TMEM255B: variants seen among roughly 807,000 people sequenced by gnomAD.
TMEM255B encodes family with sequence similarity 70, member B.
In TMEM255B, 35 loss-of-function variants were observed where a neutral mutation model predicts 34.5. The ratio of observed to expected loss-of-function variants is 1.01; its 90% CI spans 0.77 to 1.34. The LOEUF (loss-of-function observed/expected upper bound fraction) is 1.34, where lower values mean the gene tolerates loss of function less well. TMEM255B is among the 40% of genes most tolerant of loss of function. TMEM255B has a pLI of 0.00. For missense variants in TMEM255B, 432 were observed against 433.2 expected (o/e 1.00, Z 0.02); for synonymous variants, 206 against 201.2 (o/e 1.02, Z -0.20).
chr13:113,782,853 G>A (rs2050686802), intron 3 of TMEM255B, among the ~76,000 whole-genome samples: 1 of 152,172 alleles, frequency 6.6e-6, no homozygotes, highest in Admixed American at 6.5e-5. Flanking sequence ...TCCCAGAGGT[G>A]GGGGACTTTT....
chr13:113,768,978 G>A lies in TMEM255B; in HGVS notation c.190-120G>A, dbSNP rs1268602921. ...TGGTTGAGGTTCTTGAGGTAGGGAT[G>A]TCTGGCCTTCGTCCCTGGATAAAAT... On this transcript the variant is annotated intron_variant, in intron 2 of 8. Transcript: ENST00000375353. 13 of 1,094,476 alleles carry A rather than the reference G, an allele frequency of 1.2e-5. No homozygotes were observed. In the East Asian group the frequency reaches 2.7e-4, roughly 23 times the overall value. 67.8% of individuals were successfully genotyped at this position (1,094,476 alleles called of 1,614,324 possible).
intron 3 of TMEM255B, among the ~76,000 whole-genome samples, chr13:113,791,356 C>T (rs556705471): frequency 4.7e-4 from 71 of 152,348 alleles, no homozygotes; most frequent in African/African-American, 1.7e-3. Context: ...TGGCACCTGC[C>T]GGCCGCCGAG....
intron 6 of TMEM255B, 151 bp from the exon 7 acceptor site, chr13:113,801,502 C>T: frequency 1.2e-6 from 1 of 862,556 alleles, no homozygotes; most frequent in Non-Finnish European, 1.6e-6. Flanking sequence ...TAGGTTTGAT[C>T]TCCCAGAGCA....
intron 2 of TMEM255B, among the ~76,000 whole-genome samples, chr13:113,767,900 T>C (rs2050415323): frequency 6.6e-6 from 1 of 152,212 alleles, no homozygotes; most frequent in Non-Finnish European, 1.5e-5. Context: ...AATTTTGATA[T>C]TTTTGACGTG....
chr13:113,768,540 C>T (rs115268060), intron 2 of TMEM255B, among the ~76,000 whole-genome samples: 1,609 of 152,188 alleles, frequency 0.011, 28 homozygotes, highest in African/African-American at 0.036. Context: ...CCAGGTGCCC[C>T]CTCTGTGCCT....
intron 1 of TMEM255B, among the ~76,000 whole-genome samples, chr13:113,764,129 CG>C: frequency 7.4e-6 from 1 of 134,490 alleles, no homozygotes; most frequent in Non-Finnish European, 1.6e-5. Flanking sequence ...TGGGATGGGC[CG>C]GGGCGTGGGC....
At chr13:113,791,802 A>G (rs11620017) in intron 3 of TMEM255B, among the ~76,000 whole-genome samples, 17,892 of 152,246 alleles carry the variant, frequency 0.12, 1,184 homozygotes, top group Middle Eastern at 0.2. Flanking sequence ...CCCAACAGAA[A>G]CTGTGGGAGT....
intron 3 of TMEM255B, among the ~76,000 whole-genome samples, chr13:113,783,031 CCCT>C (rs1456752587): frequency 1.3e-5 from 2 of 151,842 alleles, no homozygotes; most frequent in Non-Finnish European, 2.9e-5. Flanking sequence ...TGTCTGGGGA[CCCT>C]CCTCTAATTT....
At chr13:113,759,680 A>C (rs1160185509) in intron 1 of TMEM255B, among the ~76,000 whole-genome samples, 1 of 152,114 alleles carries the variant, frequency 6.6e-6, no homozygotes, top group Non-Finnish European at 1.5e-5. Flanking sequence ...GGCGCCCCAA[A>C]GTGCGCTCCT....
intron 3 of TMEM255B, among the ~76,000 whole-genome samples, chr13:113,777,837 C>G (rs972865430): frequency 5.9e-5 from 9 of 152,246 alleles, no homozygotes; most frequent in African/African-American, 2.2e-4. Context: ...TGCTGCAGCT[C>G]TGCCTCCCCC....
Position 113,804,879 on chromosome 13 carries a change from T to C in TMEM255B, c.670-6T>C. The C allele has an allele frequency of 6.3e-7, 1 of 1,597,190 alleles. No individual in the cohort carries two copies. The highest frequency in any genetic ancestry group is 1.1e-5 in the South Asian group (1 of 90,424). ...ACGCCGACCACCCGTCTCCTCTCCA[T>C]GGCAGGTGCCTCTGTCCCAGCTGGC... On this transcript the variant is annotated splice_polypyrimidine_tract_variant and splice_region_variant and intron_variant, in intron 7 of 8. Transcript: ENST00000375353.
Position 113,759,258 on chromosome 13 carries a change from T to TGGG in TMEM255B, c.-10_-8dup. The TGGG allele has an allele frequency of 8.1e-7, 1 of 1,227,950 alleles. No homozygotes were observed. The highest frequency in any genetic ancestry group is 1.0e-6 in the Non-Finnish European group (1 of 985,572). 76.1% of individuals were successfully genotyped at this position (1,227,950 alleles called of 1,614,324 possible). A position where few individuals can be genotyped will look rare whatever the true frequency, so the allele number is the denominator to read the frequency against. On this transcript the variant is annotated 5_prime_UTR_variant, in exon 1 of 9. Coordinates refer to ENST00000375353, the MANE Select transcript of TMEM255B (RefSeq NM_182614.4). Reference sequence around the variant, plus strand: ...TGGCTGTGGCCCCGGGAGAGCCGGGTGGGGCCTCGGGATGCAGCCGCCGGT... The same window carrying TGGG: ...TGGCTGTGGCCCCGGGAGAGCCGGGTGGGGGGGCCTCGGGATGCAGCCGCCGGT...
rs1010019289 is a variant in TMEM255B at position 113,812,422 on chromosome 13, T to C, written c.*519T>C. On this transcript the variant is annotated 3_prime_UTR_variant, in exon 9 of 9. Coordinates refer to ENST00000375353, the MANE Select transcript of TMEM255B (RefSeq NM_182614.4). ...CGGCTCCAACGCCCAGCGCTGTGTC[T>C]AACCGCCTGTGAGTTGTTAGAATCC... is the stretch of plus-strand genomic sequence containing the variant. The C allele has an allele frequency of 6.5e-6, 1 of 154,650 alleles. No homozygotes were observed. The highest frequency in any genetic ancestry group is 2.0e-4 in the South Asian group (1 of 5,024). The allele number at this position is 154,650 out of a possible 1,614,324, so 9.6% of individuals were successfully genotyped here. A position where few individuals can be genotyped will look rare whatever the true frequency, so the allele number is the denominator to read the frequency against.
At position 113,759,269 on chromosome 13, in the gene TMEM255B, G is replaced by A; in HGVS notation, c.-1G>A. ...CCGGGAGAGCCGGGTGGGGCCTCGG[G>A]ATGCAGCCGCCGGTGCCCGGGCCCC... On this transcript the variant is annotated 5_prime_UTR_variant, in exon 1 of 9. Transcript: ENST00000375353. 8.1e-7 allele frequency: 1 copy of A among 1,228,682 alleles called. No individual in the cohort carries two copies. Among genetic ancestry groups the A allele is most frequent in the East Asian group, 3.2e-5 (1 of 31,510 alleles). The allele number at this position is 1,228,682 out of a possible 1,614,324, so 76.1% of individuals were successfully genotyped here. A position where few individuals can be genotyped will look rare whatever the true frequency, so the allele number is the denominator to read the frequency against.
At chr13:113,801,594 T>G (rs2051062254) in intron 6 of TMEM255B, 59 bp from the exon 7 acceptor site, 1 of 1,524,936 alleles carries the variant, frequency 6.6e-7, no homozygotes, top group African/African-American at 1.4e-5. Flanking sequence ...GGACACAAGT[T>G]TAACTTGCGG....
In TMEM255B at chr13:113,801,559, C is replaced by T. The variant is rs1417306703; in HGVS notation, c.510-94C>T. ...GGGCTCCAGCCCTGATTTCCTCCCCCAGCCCTGCAGGGCTCAGGTCCAGAG... is the reference window on the plus strand; with the variant it reads ...GGGCTCCAGCCCTGATTTCCTCCCCTAGCCCTGCAGGGCTCAGGTCCAGAG... On this transcript the variant is annotated intron_variant, in intron 6 of 8. Transcript: ENST00000375353. The T allele has an allele frequency of 5.8e-6, 8 of 1,390,774 alleles. No homozygotes were observed. In the South Asian group the frequency reaches 7.5e-5, roughly 13 times the overall value. 86.2% of individuals were successfully genotyped at this position (1,390,774 alleles called of 1,614,324 possible).
At position 113,805,552 on chromosome 13, in the gene TMEM255B, T is replaced by C. The variant is rs567147589; in HGVS notation, c.813+524T>C. ...TGCCTGCCTGTCCGATTTCCACTCC[T>C]GGGCATGACCGCCTTCTGTGCCATG... is the stretch of plus-strand genomic sequence containing the variant. On this transcript the variant is annotated intron_variant, in intron 8 of 8. Coordinates refer to ENST00000375353, the MANE Select transcript of TMEM255B (RefSeq NM_182614.4). 6.6e-5 allele frequency among the ~76,000 whole-genome samples: 10 copies of C among 152,326 alleles called. No individual in the cohort carries two copies. In the East Asian group the frequency reaches 1.9e-3, roughly 29 times the overall value.
chr13:113,773,649 A>G (rs1214330442), intron 3 of TMEM255B, among the ~76,000 whole-genome samples: 1 of 152,234 alleles, frequency 6.6e-6, no homozygotes, highest in Non-Finnish European at 1.5e-5. Context: ...TTCTGGGCTG[A>G]TGTTGTATGG....
intron 3 of TMEM255B, among the ~76,000 whole-genome samples, chr13:113,790,181 C>T (rs900455351): frequency 1.6e-5 from 2 of 121,370 alleles, no homozygotes; most frequent in East Asian, 4.0e-4. Context: ...TGACCAGACA[C>T]GTGGACATCC....
Sources: allele counts gnomAD v4.1 joint callset (sites outside exome capture counted in the v4.1 genomes callset), GRCh38; gene constraint gnomAD v4.1.1; transcripts MANE v1.5; gene names NCBI Gene and HGNC (gene_info 2026-07-23, HGNC 2026-07-21).